The following PARD3B variants were observed in gnomAD, a reference collection of about 807,000 sequenced individuals.
The protein encoded by PARD3B is par-3 family cell polarity regulator beta.
In PARD3B, 103 loss-of-function variants were observed where a neutral mutation model predicts 130.2. That is an observed-to-expected ratio of 0.79 (90% CI 0.67 to 0.93). The LOEUF (loss-of-function observed/expected upper bound fraction) is 0.93. Ranked by LOEUF, PARD3B falls within the 40% of genes least tolerant of loss-of-function variation. PARD3B has a pLI of 0.00. For missense variants in PARD3B, 1,609 were observed against 1,499.2 expected, an observed-to-expected ratio of 1.07 and a Z score of -1.21; for synonymous variants, 583 against 553.2, an observed-to-expected ratio of 1.05 and a Z score of -0.76.
chr2:205,033,279 A>T (rs995220692), intron 3 of PARD3B, among the ~76,000 whole-genome samples: 1 of 152,174 alleles, frequency 6.6e-6, no homozygotes, highest in Non-Finnish European at 1.5e-5. Flanking sequence ...TCATGGGGAA[A>T]AGATTCCTCT....
chr2:205,607,831 T>TACACCCATACACAC (rs1553560828), intron 22 of PARD3B, among the ~76,000 whole-genome samples: 132 of 116,226 alleles, frequency 1.1e-3, no homozygotes, highest in African/African-American at 4.9e-3. Flanking sequence ...CCAACACCCA[T>TACACCCATACACAC]ACACACACAC....
At position 205,269,170 on chromosome 2, in the gene PARD3B, C is replaced by T. The variant is rs2040623814; in HGVS notation, c.2185+23348C>T. Among the ~76,000 whole-genome samples, 1 of 152,052 alleles carries T rather than the reference C, an allele frequency of 6.6e-6. No homozygotes were observed. ...ATTTTTGCATTTGACTTCAGATAAA[C>T]AGACTGGATAAATTCCTACCTAAAC... On this transcript the variant is annotated intron_variant, in intron 16 of 22. Transcript: ENST00000406610. The surrounding 1 kb of genome is among the most constrained non-coding windows in gnomAD (Gnocchi z 4.7).
intron 18 of PARD3B, among the ~76,000 whole-genome samples, chr2:205,380,659 T>TATATAAAGAA (rs1345300115): frequency 5.5e-5 from 4 of 72,322 alleles, no homozygotes; most frequent in African/African-American, 3.1e-4. Flanking sequence ...AGAATATATA[T>TATATAAAGAA]TATATATAAT....
chr2:205,168,841 G>C (rs2034986399), intron 11 of PARD3B, among the ~76,000 whole-genome samples: 1 of 151,938 alleles, frequency 6.6e-6, no homozygotes, highest in African/African-American at 2.4e-5. Flanking sequence ...ACCCCTTTAG[G>C]GGCTTGTCAT....
rs1208203330 is a variant in PARD3B, at chr2:205,116,174, G to C, written c.680+2597G>C. Among the ~76,000 whole-genome samples, 1 of 152,054 alleles carries C rather than the reference G, an allele frequency of 6.6e-6. No homozygotes were observed. Among genetic ancestry groups the C allele is most frequent in the East Asian group, 1.9e-4 (1 of 5,192 alleles). On this transcript the variant is annotated intron_variant, in intron 6 of 22. Transcript: ENST00000406610. This position sits in a 1 kb window ranked among gnomAD's most constrained non-coding sequence, Gnocchi z 4.5. ...ACACCAAAGTTCTTGCAACTAAAAT[G>C]CAACTTAATTTTATTCAGATTTTTA...
chr2:205,163,426 C>T (rs954042857), intron 11 of PARD3B, among the ~76,000 whole-genome samples: 4 of 152,136 alleles, frequency 2.6e-5, no homozygotes, highest in Non-Finnish European at 5.9e-5. Flanking sequence ...AATGTATGCA[C>T]TCAGAATATG....
intron 20 of PARD3B, among the ~76,000 whole-genome samples, chr2:205,495,883 G>T (rs1400716429): frequency 6.6e-6 from 1 of 152,032 alleles, no homozygotes; most frequent in East Asian, 1.9e-4. Flanking sequence ...TATTTTTTGA[G>T]GTTTTAAGAT....
At chr2:204,803,992 A>T (rs1349733846) in intron 2 of PARD3B, among the ~76,000 whole-genome samples, 1 of 152,154 alleles carries the variant, frequency 6.6e-6, no homozygotes, top group Admixed American at 6.5e-5. Flanking sequence ...AGGTGGGCAG[A>T]TCACTTCAGC....
chr2:205,499,425 C>A (rs2050074654), intron 20 of PARD3B, among the ~76,000 whole-genome samples: 1 of 152,076 alleles, frequency 6.6e-6, no homozygotes, highest in South Asian at 2.1e-4. Flanking sequence ...ATCCCCAACC[C>A]CCACTCCCAA....
chr2:205,106,687 G>A (rs1001597984), intron 5 of PARD3B, among the ~76,000 whole-genome samples: 7 of 152,016 alleles, frequency 4.6e-5, no homozygotes, highest in East Asian at 1.9e-4. Context: ...TTCCTGTTGC[G>A]TGTACATTCC....
intron 16 of PARD3B, among the ~76,000 whole-genome samples, chr2:205,272,531 C>G (rs1186603115): frequency 6.6e-6 from 1 of 152,102 alleles, no homozygotes; most frequent in Non-Finnish European, 1.5e-5. Flanking sequence ...ATAACAGTGG[C>G]TTAACTAAAA....
Position 205,616,076 on chromosome 2 carries a change from T to C in PARD3B, c.*263T>C. On this transcript the variant is annotated 3_prime_UTR_variant, in exon 23 of 23. Coordinates refer to ENST00000406610, the MANE Select transcript of PARD3B (RefSeq NM_001302769.2). The stretch of plus-strand genomic sequence containing the variant: ...GATAGTTGAAACGCTTTCAGAGTTG[T>C]TCAAATCAGTGAGAGTGGCAACGGA... 2.2e-6 allele frequency: 1 copy of C among 462,730 alleles called. No homozygotes were observed. The highest frequency in any genetic ancestry group is 3.6e-5 in the East Asian group (1 of 27,716). 28.7% of individuals were successfully genotyped at this position (462,730 alleles called of 1,614,324 possible). A position where few individuals can be genotyped will look rare whatever the true frequency, so the allele number is the denominator to read the frequency against.
intron 21 of PARD3B, among the ~76,000 whole-genome samples, chr2:205,522,372 GTTTTT>G (rs1334360091): frequency 4.0e-3 from 601 of 151,510 alleles, no homozygotes; most frequent in African/African-American, 0.014. Flanking sequence ...AAGGAATTAG[GTTTTT>G]TATTTAAGTT....
At chr2:204,666,579 G>A (rs2036033648) in intron 1 of PARD3B, among the ~76,000 whole-genome samples, 1 of 152,126 alleles carries the variant, frequency 6.6e-6, no homozygotes, top group Non-Finnish European at 1.5e-5. Context: ...GTGAAGGGAA[G>A]TGAACAGCTT....
Position 205,572,250 on chromosome 2 carries a change from G to A in PARD3B, c.3260+18847G>A, listed in dbSNP as rs747194882. Among the ~76,000 whole-genome samples the A allele has an allele frequency of 2.6e-5, 4 of 152,112 alleles. No individual in the cohort carries two copies. The highest frequency in any genetic ancestry group is 4.4e-5 in the Non-Finnish European group (3 of 68,024). ...GAATGACAAATTATAGATTATTTCA[G>A]TCAAGTAGAATAAGTGCTAAAATTT... On this transcript the variant is annotated intron_variant, in intron 22 of 22. Coordinates refer to ENST00000406610, the MANE Select transcript of PARD3B (RefSeq NM_001302769.2). The surrounding 1 kb of genome is among the most constrained non-coding windows in gnomAD (Gnocchi z 4.2).
intron 2 of PARD3B, among the ~76,000 whole-genome samples, chr2:204,824,372 G>C (rs2043486125): frequency 6.6e-6 from 1 of 152,148 alleles, no homozygotes; most frequent in Non-Finnish European, 1.5e-5. Context: ...AACTAAGGTA[G>C]CCCTTTCTCC....
chr2:205,435,579 A>T (rs2047484914), intron 19 of PARD3B, among the ~76,000 whole-genome samples: 1 of 151,678 alleles, frequency 6.6e-6, no homozygotes, highest in South Asian at 2.1e-4. Flanking sequence ...CCTGCTGAAA[A>T]TTTGGGTTTT....
intron 21 of PARD3B, among the ~76,000 whole-genome samples, chr2:205,542,354 T>TTGTGTGTGTGTGTGTGTGTGTGTGTG (rs143438143): frequency 3.4e-4 from 49 of 145,206 alleles, no homozygotes; most frequent in African/African-American, 1.2e-3. Context: ...TAGTTTGTGT[T>TTGTGTGTGTGTGTGTGTGTGTGTGTG]TGTGTGTGTG....
chr2:205,200,229 G>C (rs776779666), intron 15 of PARD3B, among the ~76,000 whole-genome samples: 1 of 152,098 alleles, frequency 6.6e-6, no homozygotes, highest in Admixed American at 6.6e-5. Context: ...TTGTCACCTT[G>C]GAGAAAATTA....
Sources: gnomAD v4.1 joint callset for allele counts (sites outside exome capture counted in the v4.1 genomes callset) on GRCh38, gnomAD v4.1.1 for gene constraint, Gnocchi (gnomAD v3.1) non-coding constraint, MANE v1.5 for transcripts, NCBI Gene and HGNC (gene_info 2026-07-23, HGNC 2026-07-21) for gene names.